Variants in ABTB3 observed in about 807,000 individuals in gnomAD.
The protein encoded by ABTB3 is ankyrin repeat- and BTB/POZ domain-containing protein 3.
the ABTB3 span, among the ~76,000 whole-genome samples, chr12:107,578,872 A>G: frequency 3.0e-3 from 452 of 152,320 alleles, 1 homozygote; most frequent in African/African-American, 0.01. Flanking sequence ...TATCAGTTTC[A>G]CCCAGTAAGA....
the ABTB3 span, among the ~76,000 whole-genome samples, chr12:107,429,678 C>T: frequency 6.6e-6 from 1 of 152,204 alleles, no homozygotes; most frequent in African/African-American, 2.4e-5. Flanking sequence ...GGGCTCTGCA[C>T]ACAAGATAGT....
At chr12:107,444,658 G>A in the ABTB3 span, among the ~76,000 whole-genome samples, 2 of 152,192 alleles carry the variant, frequency 1.3e-5, no homozygotes, top group African/African-American at 2.4e-5. Context: ...AGGTCTGCTC[G>A]AGATGAAATT....
chr12:107,501,359 T>C, the ABTB3 span, among the ~76,000 whole-genome samples: 1 of 150,582 alleles, frequency 6.6e-6, no homozygotes, highest in Non-Finnish European at 1.5e-5. Context: ...AAGTTGTGCC[T>C]TGAAGAACAG....
the ABTB3 span, among the ~76,000 whole-genome samples, chr12:107,332,405 G>A: frequency 1.6e-4 from 24 of 152,270 alleles, 1 homozygote; most frequent in Middle Eastern, 0.01. Flanking sequence ...TATCATCTCT[G>A]TTTTACAGAT....
chr12:107,357,389 C>T, the ABTB3 span, among the ~76,000 whole-genome samples: 24 of 152,136 alleles, frequency 1.6e-4, no homozygotes, highest in African/African-American at 5.8e-4. Context: ...AGGAGGATGG[C>T]TTGAGGCCAG....
At chr12:107,611,130 A>G in the ABTB3 span, among the ~76,000 whole-genome samples, 12 of 152,170 alleles carry the variant, frequency 7.9e-5, no homozygotes, top group African/African-American at 2.9e-4. Context: ...ATGTATATTT[A>G]TATTCTTTTT....
chr12:107,512,697 T>C, the ABTB3 span, among the ~76,000 whole-genome samples: 1 of 152,204 alleles, frequency 6.6e-6, no homozygotes, highest in Admixed American at 6.5e-5. Context: ...GGTATTCAAT[T>C]CCTAGCCCCA....
At chr12:107,415,407 T>C in the ABTB3 span, among the ~76,000 whole-genome samples, 2 of 152,010 alleles carry the variant, frequency 1.3e-5, no homozygotes, top group South Asian at 2.1e-4. Context: ...TAACTACTTT[T>C]TGGATAAAAA....
chr12:107,444,027 C>G, the ABTB3 span, among the ~76,000 whole-genome samples: 1 of 152,200 alleles, frequency 6.6e-6, no homozygotes, highest in Non-Finnish European at 1.5e-5. Context: ...GTCTCCAGAC[C>G]TGGAAAGGAA....
chr12:107,433,934 C>T, the ABTB3 span, among the ~76,000 whole-genome samples: 2 of 152,262 alleles, frequency 1.3e-5, no homozygotes, highest in East Asian at 3.9e-4. Context: ...TCTTGTCCTG[C>T]CCTCACATGG....
the ABTB3 span, among the ~76,000 whole-genome samples, chr12:107,519,293 T>C: frequency 6.6e-6 from 1 of 151,862 alleles, no homozygotes. Flanking sequence ...AGACAGCACA[T>C]GTTTTTCTTT....
the ABTB3 span, among the ~76,000 whole-genome samples, chr12:107,516,530 C>A: frequency 6.6e-6 from 1 of 152,162 alleles, no homozygotes; most frequent in African/African-American, 2.4e-5. Flanking sequence ...CCACACCCGG[C>A]CCTGTTATTC....
chr12:107,632,065 A>G, the ABTB3 span, among the ~76,000 whole-genome samples: 1 of 152,192 alleles, frequency 6.6e-6, no homozygotes, highest in African/African-American at 2.4e-5. Context: ...CAGATGATAG[A>G]GTACACACTG....
At chr12:107,387,710 C>T in the ABTB3 span, among the ~76,000 whole-genome samples, 2 of 152,282 alleles carry the variant, frequency 1.3e-5, no homozygotes, top group Non-Finnish European at 2.9e-5. Context: ...GTCCCTGGGA[C>T]CTTCCTAGAC....
the ABTB3 span, among the ~76,000 whole-genome samples, chr12:107,393,803 G>C: frequency 6.6e-6 from 1 of 152,082 alleles, no homozygotes; most frequent in African/African-American, 2.4e-5. Context: ...GGTGGCAGGC[G>C]CCTGTAGTCC....
the ABTB3 span, among the ~76,000 whole-genome samples, chr12:107,490,020 A>T: frequency 6.6e-6 from 1 of 152,218 alleles, no homozygotes; most frequent in East Asian, 1.9e-4. Context: ...TAGAAAAAAA[A>T]ATACATTTTT....
the ABTB3 span, among the ~76,000 whole-genome samples, chr12:107,479,400 G>T: frequency 1.3e-5 from 2 of 151,784 alleles, no homozygotes; most frequent in African/African-American, 4.8e-5. Flanking sequence ...GATCTCAGGT[G>T]AATTATCTGC....
chr12:107,544,053 C>T, the ABTB3 span: 4 of 1,614,070 alleles, frequency 2.5e-6, no homozygotes, highest in Non-Finnish European at 3.4e-6. Flanking sequence ...AGGCCCTGTA[C>T]ACCCTTTGCT....
the ABTB3 span, among the ~76,000 whole-genome samples, chr12:107,467,750 A>G: frequency 6.6e-6 from 1 of 152,176 alleles, no homozygotes; most frequent in Admixed American, 6.5e-5. Flanking sequence ...TCTCTGTCAG[A>G]GACAGGGACT....
Sources: gnomAD v4.1 joint callset for allele counts (sites outside exome capture counted in the v4.1 genomes callset) on GRCh38, gnomAD v4.1.1 for gene constraint, MANE v1.5 for transcripts, NCBI Gene and HGNC (gene_info 2026-07-23, HGNC 2026-07-21) for gene names.